Variants in ASNS observed in about 807,000 individuals in gnomAD.
ASNS encodes asparagine synthetase [glutamine-hydrolyzing].
ASNS carries 37 observed loss-of-function variants against 62.6 expected under a neutral mutation model. The observed-to-expected ratio is 0.59, with a 90% confidence interval of 0.45 to 0.78. The LOEUF is 0.78. Ranked by LOEUF, ASNS falls within the 30% of genes least tolerant of loss-of-function variation. The pLI is 0.00. For synonymous variants in ASNS, 207 were observed against 237.9 expected, an observed-to-expected ratio of 0.87 and a Z score of 1.19; for missense variants, 520 against 682.4, an observed-to-expected ratio of 0.76 and a Z score of 2.65.
At chr7:97,874,415 G>A (rs1405067525), upstream of ASNS, among the ~76,000 whole-genome samples, 2 of 152,126 alleles carry the variant, frequency 1.3e-5, no homozygotes, top group Admixed American at 6.5e-5. Context: ...GTCCTGAGAC[G>A]ATATACATCC....
upstream of ASNS, among the ~76,000 whole-genome samples, chr7:97,877,296 T>C (rs1318662481): frequency 1.3e-5 from 2 of 152,104 alleles, no homozygotes; most frequent in African/African-American, 4.8e-5. Context: ...GGTTTTACCA[T>C]GTTGGCCAGG....
chr7:97,882,501 T>A, the ASNS span, among the ~76,000 whole-genome samples: 1 of 151,552 alleles, frequency 6.6e-6, no homozygotes, highest in Non-Finnish European at 1.5e-5. Context: ...TGAGCCGAGA[T>A]CGCATCACTG....
At chr7:97,925,790 C>A in the ASNS span, among the ~76,000 whole-genome samples, 209 of 152,262 alleles carry the variant, frequency 1.4e-3, no homozygotes, top group African/African-American at 4.7e-3. Context: ...TGCCTGACAA[C>A]CCAGAAATCT....
At chr7:97,870,894 A>T (rs1488537564) in intron 1 of ASNS, among the ~76,000 whole-genome samples, 1 of 152,194 alleles carries the variant, frequency 6.6e-6, no homozygotes, top group Non-Finnish European at 1.5e-5. Flanking sequence ...TGTAAAGTAC[A>T]CTTATTTTTT....
the ASNS span, among the ~76,000 whole-genome samples, chr7:97,910,057 T>C: frequency 1.3e-5 from 2 of 152,046 alleles, no homozygotes; most frequent in Non-Finnish European, 2.9e-5. Flanking sequence ...GTGATGACAA[T>C]ACAAGACGGA....
the ASNS span, among the ~76,000 whole-genome samples, chr7:97,890,498 CA>C: frequency 6.6e-6 from 1 of 152,064 alleles, no homozygotes; most frequent in Admixed American, 6.6e-5. Flanking sequence ...AGAAACCTTA[CA>C]GGCTAGGAGA....
At chr7:97,900,360 CAAAAAAAAA>C in the ASNS span, among the ~76,000 whole-genome samples, 1 of 89,384 alleles carries the variant, frequency 1.1e-5, no homozygotes, top group African/African-American at 5.4e-5. Context: ...GACTTTGTCT[CAAAAAAAAA>C]AAAAAAAAAA....
At chr7:97,863,970 G>A (rs1328682825) in intron 4 of ASNS, 4 of 300,990 alleles carry the variant, frequency 1.3e-5, no homozygotes, top group Non-Finnish European at 2.4e-5. Context: ...TACGATTATA[G>A]TATGACACAG....
chr7:97,893,161 ACTC>A, the ASNS span, among the ~76,000 whole-genome samples: 2 of 151,944 alleles, frequency 1.3e-5, no homozygotes, highest in East Asian at 3.9e-4. Flanking sequence ...GAGCAGGGAA[ACTC>A]CTCCTTTTAA....
At chr7:97,870,364 C>T (rs939765594) in intron 1 of ASNS, 19 of 327,262 alleles carry the variant, frequency 5.8e-5, no homozygotes, top group African/African-American at 2.8e-4. Context: ...AAAAAAACTG[C>T]GAATTGCAGC....
chr7:97,871,224 C>T (rs896529093), intron 1 of ASNS, among the ~76,000 whole-genome samples: 2 of 152,204 alleles, frequency 1.3e-5, no homozygotes, highest in Non-Finnish European at 1.5e-5. Context: ...GTTCTTCCTA[C>T]TCCAACGACA....
At chr7:97,914,220 A>G in the ASNS span, among the ~76,000 whole-genome samples, 1 of 151,892 alleles carries the variant, frequency 6.6e-6, no homozygotes, top group Non-Finnish European at 1.5e-5. Flanking sequence ...TGGTGGATAG[A>G]TGGACGGACA....
In ASNS at chr7:97,852,363, C is replaced by CAAAGACT; in HGVS notation, c.1581_1582insAGTCTTT (p.Gly528SerfsTer6). 6.2e-7 allele frequency: 1 copy of CAAAGACT among 1,614,142 alleles called. No individual in the cohort carries two copies. The highest frequency in any genetic ancestry group is 8.5e-7 in the Non-Finnish European group (1 of 1,180,040). ...TAATGGCTCAGCCAGTCAGCCCGGCCTGGGTAATGGCGTTCAAAGACTTGA... is the reference window on the plus strand; with the variant it reads ...TAATGGCTCAGCCAGTCAGCCCGGCCAAAGACTTGGGTAATGGCGTTCAAAGACTTGA... On this transcript the variant is annotated frameshift_variant, in exon 13 of 13. Coordinates refer to ENST00000394308, the MANE Select transcript of ASNS (RefSeq NM_001673.5). LOFTEE classifies it high-confidence loss of function.
At chr7:97,858,220 A>C in intron 7 of ASNS, 58 bp downstream of exon 7, 1 of 1,583,786 alleles carries the variant, frequency 6.3e-7, no homozygotes, top group African/African-American at 1.3e-5. Flanking sequence ...CTCCATTTTC[A>C]TTCTAATAAC....
chr7:97,903,373 C>A, the ASNS span, among the ~76,000 whole-genome samples: 1 of 151,862 alleles, frequency 6.6e-6, no homozygotes, highest in Non-Finnish European at 1.5e-5. Flanking sequence ...GAGATCCCCA[C>A]AAAGCTGAGA....
chr7:97,898,440 C>T, the ASNS span: 5 of 510,296 alleles, frequency 9.8e-6, no homozygotes, highest in Non-Finnish European at 1.5e-5. Flanking sequence ...ACCTTCACCA[C>T]GAAGCTCCAT....
At chr7:97,892,740 T>G in the ASNS span, among the ~76,000 whole-genome samples, 1 of 152,242 alleles carries the variant, frequency 6.6e-6, no homozygotes, top group South Asian at 2.1e-4. Context: ...TGCCAGTTCC[T>G]AACAAGTTCC....
chr7:97,894,384 G>C, the ASNS span, among the ~76,000 whole-genome samples: 3 of 146,620 alleles, frequency 2.0e-5, no homozygotes, highest in African/African-American at 7.5e-5. Context: ...AGAACCAAAT[G>C]CAACAGAGAC....
upstream of ASNS, among the ~76,000 whole-genome samples, chr7:97,873,107 C>T (rs967430351): frequency 6.6e-6 from 1 of 152,200 alleles, no homozygotes; most frequent in Admixed American, 6.5e-5. Flanking sequence ...TACATGAAGC[C>T]AAAATACATC....
Sources: allele counts gnomAD v4.1 joint callset (sites outside exome capture counted in the v4.1 genomes callset), GRCh38; gene constraint gnomAD v4.1.1; transcripts MANE v1.5; gene names NCBI Gene and HGNC (gene_info 2026-07-23, HGNC 2026-07-21).